Variants in SWT1 observed in about 807,000 individuals in gnomAD.
SWT1 encodes transcriptional protein SWT1.
A neutral mutation model predicts 107.3 loss-of-function variants in SWT1; 33 were observed. That is an observed-to-expected ratio of 0.31 (90% CI 0.23 to 0.41). SWT1 has a LOEUF of 0.41. SWT1 is among the 10% of genes least tolerant of loss of function. The pLI is 1.00. For synonymous variants in SWT1, 345 were observed against 348.3 expected (o/e 0.99, Z 0.11); for missense variants, 898 against 1,028.9 (o/e 0.87, Z 1.74).
chr1:185,206,046 C>A (rs1334989135), intron 12 of SWT1, among the ~76,000 whole-genome samples: 1 of 151,956 alleles, frequency 6.6e-6, no homozygotes, highest in African/African-American at 2.4e-5. Flanking sequence ...GCAACCTCCT[C>A]CTTCCGGTTT....
intron 2 of SWT1, among the ~76,000 whole-genome samples, chr1:185,162,068 A>G (rs1654196475): frequency 6.6e-6 from 1 of 152,188 alleles, no homozygotes; most frequent in Non-Finnish European, 1.5e-5. Flanking sequence ...TTGGTCTCGC[A>G]GGTATAGCAA....
chr1:185,198,055 G>A (rs1276032353), intron 10 of SWT1, among the ~76,000 whole-genome samples: 3 of 152,212 alleles, frequency 2.0e-5, no homozygotes, highest in Non-Finnish European at 4.4e-5. Context: ...GATCTTTCCT[G>A]CTTTCTCTTG....
chr1:185,258,813 G>A (rs1455428657), intron 16 of SWT1, among the ~76,000 whole-genome samples: 1 of 151,624 alleles, frequency 6.6e-6, no homozygotes, highest in Non-Finnish European at 1.5e-5. Context: ...TATCTCTCTT[G>A]AGATGTGGTA....
chr1:185,202,109 G>GT (rs1657931930), intron 10 of SWT1, among the ~76,000 whole-genome samples: 1 of 152,070 alleles, frequency 6.6e-6, no homozygotes, highest in Non-Finnish European at 1.5e-5. Context: ...TAAGTTTCCT[G>GT]TTTTTTAATG....
intron 16 of SWT1, chr1:185,251,520 T>A (rs1285177963): frequency 6.6e-6 from 1 of 152,212 alleles, no homozygotes; most frequent in Non-Finnish European, 1.5e-5. Context: ...TGTGGGATTT[T>A]CAATTTCTTA....
intron 16 of SWT1, among the ~76,000 whole-genome samples, chr1:185,270,233 G>A (rs978645600): frequency 3.4e-5 from 5 of 148,628 alleles, no homozygotes; most frequent in Non-Finnish European, 7.4e-5. Context: ...AGTTGAGGCA[G>A]ACAGTACTCA....
chr1:185,194,385 A>C (rs1349574685), intron 10 of SWT1, among the ~76,000 whole-genome samples: 1 of 151,972 alleles, frequency 6.6e-6, no homozygotes, highest in Non-Finnish European at 1.5e-5. Flanking sequence ...GTGCATTTTT[A>C]ATGATACCAT....
chr1:185,195,625 G>A (rs1274147577), intron 10 of SWT1, among the ~76,000 whole-genome samples: 2 of 152,184 alleles, frequency 1.3e-5, no homozygotes, highest in Non-Finnish European at 2.9e-5. Flanking sequence ...CAGTGTGAAA[G>A]TGTTCCTATT....
At chr1:185,245,115 A>G (rs1252809948) in intron 16 of SWT1, among the ~76,000 whole-genome samples, 1 of 152,206 alleles carries the variant, frequency 6.6e-6, no homozygotes, top group Non-Finnish European at 1.5e-5. Context: ...AAATAAAATA[A>G]AAAAGGACCA....
In SWT1 at chr1:185,181,975, A is replaced by G. The variant is rs1342588970; in HGVS notation, c.1056A>G (p.Ala352=). The change falls in exon 7 of 19, where the codon GCA becomes GCG. Residue 352 remains alanine, a synonymous_variant. Transcript: ENST00000367500. Reference sequence around the variant, plus strand: ...AGATAGTAGAAGAGCTTCATGCTGCACGTGTGGGAAAAAGTGTGGATTTAC... The same window carrying G: ...AGATAGTAGAAGAGCTTCATGCTGCGCGTGTGGGAAAAAGTGTGGATTTAC... ...EMQIVEELHA[A]RVGKSVDLPG... is the part of the protein sequence containing the mutation. The G allele has an allele frequency of 3.7e-6, 6 of 1,613,956 alleles. No individual in the cohort carries two copies. The East Asian group carries it at 6.7e-5, about 18-fold the overall frequency.
intron 18 of SWT1, among the ~76,000 whole-genome samples, chr1:185,282,924 C>A (rs1013529999): frequency 5.3e-5 from 8 of 152,112 alleles, no homozygotes; most frequent in African/African-American, 9.7e-5. Flanking sequence ...CCCATGACTC[C>A]CTCTTCAGGT....
chr1:185,234,744 T>C (rs991804738), intron 16 of SWT1, among the ~76,000 whole-genome samples: 57 of 152,336 alleles, frequency 3.7e-4, no homozygotes, highest in African/African-American at 1.4e-3. Flanking sequence ...GTTTTTGCAG[T>C]GGCTGGTACC....
chr1:185,205,286 A>C (rs1658244779), intron 12 of SWT1, among the ~76,000 whole-genome samples: 1 of 152,198 alleles, frequency 6.6e-6, no homozygotes, highest in East Asian at 1.9e-4. Flanking sequence ...TATTAGTAAG[A>C]TATTTTGAAA....
intron 16 of SWT1, among the ~76,000 whole-genome samples, chr1:185,260,174 A>G (rs797004917): frequency 5.9e-5 from 9 of 152,314 alleles, no homozygotes; most frequent in Admixed American, 2.0e-4. Flanking sequence ...CTTAAGCCCA[A>G]GGGGCAACTG....
At chr1:185,201,643 C>G (rs1239837587) in intron 10 of SWT1, among the ~76,000 whole-genome samples, 1 of 152,278 alleles carries the variant, frequency 6.6e-6, no homozygotes, top group South Asian at 2.1e-4. Flanking sequence ...CAGAAATCAC[C>G]TGCTTTCTGC....
intron 13 of SWT1, 75 bp from the exon 14 acceptor site, chr1:185,214,432 A>G (rs546697380): frequency 1.0e-5 from 12 of 1,151,964 alleles, no homozygotes; most frequent in South Asian, 6.5e-5. Context: ...CAAAATTAAT[A>G]TTAGTGTTCC....
intron 16 of SWT1, among the ~76,000 whole-genome samples, chr1:185,232,490 T>C (rs1025017489): frequency 5.9e-5 from 9 of 152,226 alleles, no homozygotes; most frequent in Non-Finnish European, 1.0e-4. Flanking sequence ...ATATGACCTC[T>C]GAATCCAAAC....
chr1:185,231,692 C>A lies in SWT1; in HGVS notation c.2425C>A (p.Leu809Ile). ...QKLMAAVRDI[L>I]EGIQRILAPN... Reference sequence around the variant, plus strand: ...GTTAATGGCAGCTGTGAGGGATATTCTTGAAGGAATTCAAAGGTAAACACT... The same window carrying A: ...GTTAATGGCAGCTGTGAGGGATATTATTGAAGGAATTCAAAGGTAAACACT... The change falls in exon 16 of 19, where the codon CTT becomes ATT. Residue 809 changes from leucine to isoleucine, a missense_variant. This residue lies in a region of SWT1 where 382 missense variants were observed against 460.0 expected (regional missense o/e 0.83). Coordinates refer to ENST00000367500, the MANE Select transcript of SWT1 (RefSeq NM_017673.7). 1 of 1,603,892 alleles carries A rather than the reference C, an allele frequency of 6.2e-7. No individual in the cohort carries two copies. The highest frequency in any genetic ancestry group is 8.5e-7 in the Non-Finnish European group (1 of 1,172,358).
At chr1:185,234,167 C>T (rs1660701880) in intron 16 of SWT1, among the ~76,000 whole-genome samples, 1 of 152,142 alleles carries the variant, frequency 6.6e-6, no homozygotes, top group Non-Finnish European at 1.5e-5. Flanking sequence ...TCCTGGATAT[C>T]TTTGTTAATT....
Sources: allele counts gnomAD v4.1 joint callset (sites outside exome capture counted in the v4.1 genomes callset), GRCh38; gene constraint gnomAD v4.1.1; regional missense constraint gnomAD v4.1.1; transcripts MANE v1.5; gene names NCBI Gene and HGNC (gene_info 2026-07-23, HGNC 2026-07-21).